KIFAP3: variants seen among roughly 807,000 people sequenced by gnomAD.
KIFAP3 encodes the protein kinesin-associated protein 3.
Under a neutral mutation model 106.5 loss-of-function variants are expected in KIFAP3, and 68 were observed. The observed-to-expected ratio is 0.64, with a 90% CI of 0.53 to 0.78. The LOEUF is 0.78. Among genes scored for constraint, KIFAP3 ranks in the 30% least tolerant of loss-of-function variants. KIFAP3 has a pLI of 0.00. For synonymous variants in KIFAP3, 320 were observed against 311.5 expected, an observed-to-expected ratio of 1.03 and a Z score of -0.29; for missense variants, 780 against 941.8, an observed-to-expected ratio of 0.83 and a Z score of 2.25.
chr1:169,943,933 C>T (rs930684152), intron 19 of KIFAP3, among the ~76,000 whole-genome samples: 4 of 152,284 alleles, frequency 2.6e-5, no homozygotes, highest in South Asian at 2.1e-4. Context: ...CAGTCATATT[C>T]GGGTTACGTT....
intron 19 of KIFAP3, among the ~76,000 whole-genome samples, chr1:169,942,440 G>A (rs1664176988): frequency 6.6e-6 from 1 of 152,148 alleles, no homozygotes; most frequent in African/African-American, 2.4e-5. Context: ...TTCCAAGTTT[G>A]GCCTGCAACC....
At chr1:170,057,192 C>T (rs999438232) in intron 1 of KIFAP3, among the ~76,000 whole-genome samples, 1 of 152,072 alleles carries the variant, frequency 6.6e-6, no homozygotes, top group Non-Finnish European at 1.5e-5. Flanking sequence ...TATATAAATG[C>T]AGATCCTTAG....
At chr1:170,084,517 A>G (rs1672072724) in intron 1 of KIFAP3, among the ~76,000 whole-genome samples, 1 of 152,214 alleles carries the variant, frequency 6.6e-6, no homozygotes, top group Non-Finnish European at 1.5e-5. Context: ...GCAGCATGAC[A>G]CAAGTAGGAT....
At chr1:170,055,245 T>G in intron 2 of KIFAP3, 60 bp downstream of exon 2, 1 of 1,438,362 alleles carries the variant, frequency 7.0e-7, no homozygotes, top group Non-Finnish European at 9.4e-7. Context: ...TAATATCAGA[T>G]TTGTATAAAG....
chr1:169,923,620 G>A (rs374444979), intron 19 of KIFAP3, among the ~76,000 whole-genome samples: 6 of 152,158 alleles, frequency 3.9e-5, no homozygotes, highest in African/African-American at 1.4e-4. Context: ...TCTTATGCTT[G>A]TTTCTCAATC....
chr1:170,034,408 G>A lies in KIFAP3; in HGVS notation c.706C>T (p.Leu236Phe), dbSNP rs1179312233. 6.2e-7 allele frequency: 1 copy of A among 1,606,314 alleles called. No individual in the cohort carries two copies. Among genetic ancestry groups the A allele is most frequent in the Non-Finnish European group, 8.5e-7 (1 of 1,176,224 alleles). The stretch of plus-strand genomic sequence containing the variant: ...TTCTTTGAGAGTTCTTCTTGCCAAA[G>A]CTCATGTCTTTTTAACTCATGATCA... The part of the protein sequence containing the change: ...IIDHELKRHE[L>F]WQEELSKKKK... The change falls in exon 7 of 20, where the codon CTT becomes TTT. Residue 236 changes from leucine (L) to phenylalanine (F), a missense_variant. Leu to Phe is a conservative substitution (Grantham distance 22). This residue lies in a region of KIFAP3 where 588 missense variants were observed against 678.9 expected (regional missense o/e 0.87). Transcript: ENST00000361580.
At chr1:170,029,019 C>A (rs1362804436) in intron 8 of KIFAP3, among the ~76,000 whole-genome samples, 1 of 151,962 alleles carries the variant, frequency 6.6e-6, no homozygotes, top group Non-Finnish European at 1.5e-5. Flanking sequence ...TTAATATAGA[C>A]ATAAATATAT....
At chr1:170,032,101 C>T (rs1021627713) in intron 7 of KIFAP3, 117 bp from the exon 8 acceptor site, 6 of 627,786 alleles carry the variant, frequency 9.6e-6, no homozygotes, top group African/African-American at 1.8e-5. Context: ...TTATTTTTCT[C>T]ACCAAAAGTT....
At chr1:170,043,837 G>A (rs1670105178) in intron 3 of KIFAP3, among the ~76,000 whole-genome samples, 1 of 152,160 alleles carries the variant, frequency 6.6e-6, no homozygotes, top group African/African-American at 2.4e-5. Flanking sequence ...TGATGGGGTT[G>A]AAATAAAGGC....
intron 19 of KIFAP3, among the ~76,000 whole-genome samples, 181 bp from the exon 20 acceptor site, chr1:169,921,962 A>G (rs571940213): frequency 1.2e-4 from 19 of 152,300 alleles, no homozygotes; most frequent in Non-Finnish European, 1.9e-4. Context: ...ATATAATAAA[A>G]TACTTCTAAC....
At chr1:170,000,303 G>A (rs511609) in intron 10 of KIFAP3, among the ~76,000 whole-genome samples, 142,641 of 152,228 alleles carry the variant, frequency 0.94, 66,913 homozygotes, top group East Asian at 1. Flanking sequence ...CTTTCAAAGT[G>A]GAACACTCCC....
intron 17 of KIFAP3, among the ~76,000 whole-genome samples, chr1:169,970,636 T>C (rs1665872600): frequency 6.6e-6 from 1 of 152,070 alleles, no homozygotes; most frequent in African/African-American, 2.4e-5. Context: ...AATACAGTCA[T>C]GCTGAGAATA....
At chr1:170,070,224 T>G (rs1308482607) in intron 1 of KIFAP3, among the ~76,000 whole-genome samples, 1 of 152,118 alleles carries the variant, frequency 6.6e-6, no homozygotes, top group Admixed American at 6.5e-5. Flanking sequence ...GATGGCAATA[T>G]TCCCCAAAGT....
In KIFAP3 at chr1:170,033,783, A is replaced by G. The variant is rs1571703053; in HGVS notation, c.742+589T>C. 3.9e-5 allele frequency among the ~76,000 whole-genome samples: 6 copies of G among 151,956 alleles called. No individual in the cohort carries two copies. The South Asian group carries it at 1.0e-3, about 26-fold the overall frequency. ...TAAATAAACACTGACATTGTTAAAG[A>G]GGAGCCTATGTAATAGCATTTGCCA... On this transcript the variant is annotated intron_variant, in intron 7 of 19. Coordinates refer to ENST00000361580, the MANE Select transcript of KIFAP3 (RefSeq NM_014970.4).
chr1:170,059,321 AG>A (rs1429984520), intron 1 of KIFAP3, among the ~76,000 whole-genome samples: 1 of 152,230 alleles, frequency 6.6e-6, no homozygotes, highest in Non-Finnish European at 1.5e-5. Context: ...AAAATGATAA[AG>A]GGGATATCAC....
At chr1:170,075,081 A>G (rs2102187424), upstream of KIFAP3, among the ~76,000 whole-genome samples, 1 of 152,316 alleles carries the variant, frequency 6.6e-6, no homozygotes, top group East Asian at 1.9e-4. Context: ...CAAGTCTGTC[A>G]CTTTGATGTC....
Position 169,961,098 on chromosome 1 carries a change from T to C in KIFAP3, c.2121A>G (p.Pro707=), listed in dbSNP as rs202194461. The change falls in exon 18 of 20, where the codon CCA becomes CCG. Residue 707 remains proline (P), a synonymous_variant. Coordinates refer to ENST00000361580, the MANE Select transcript of KIFAP3 (RefSeq NM_014970.4). ...CGAGAATATCTCCTTCATGAATGTA[T>C]GGCTCAATTCGATCATCACCATACA... ...QYLYGDDRIE[P]YIHEGDILER... 13 of 1,613,622 alleles carry C rather than the reference T, an allele frequency of 8.1e-6. No individual in the cohort carries two copies. In the African/African-American group the frequency reaches 1.6e-4, roughly 20 times the overall value.
intron 10 of KIFAP3, among the ~76,000 whole-genome samples, chr1:169,997,314 T>A (rs1285920588): frequency 1.3e-5 from 2 of 152,212 alleles, no homozygotes; most frequent in Non-Finnish European, 2.9e-5. Context: ...TGACATACAA[T>A]AAATCAATTC....
intron 8 of KIFAP3, among the ~76,000 whole-genome samples, chr1:170,027,011 CTTCTT>C (rs1669146341): frequency 7.8e-6 from 1 of 128,168 alleles, no homozygotes; most frequent in Non-Finnish European, 1.6e-5. Context: ...CACTGTCTTG[CTTCTT>C]TTTTTTTTTT....
Sources: gnomAD v4.1 joint callset for allele counts (sites outside exome capture counted in the v4.1 genomes callset) on GRCh38, gnomAD v4.1.1 for gene constraint, gnomAD v4.1.1 regional missense constraint, MANE v1.5 for transcripts, NCBI Gene and HGNC (gene_info 2026-07-23, HGNC 2026-07-21) for gene names.